The following GAD2 variants were observed in gnomAD, a reference collection of about 807,000 sequenced individuals.
GAD2 encodes the protein glutamate decarboxylase 2.
In GAD2, 22 loss-of-function variants were observed where a neutral mutation model predicts 80.1. The ratio of observed to expected loss-of-function variants is 0.27; its 90% CI spans 0.20 to 0.39. GAD2 has a LOEUF of 0.39. Ranked by LOEUF, GAD2 falls within the 10% of genes least tolerant of loss-of-function variation. The pLI is 1.00. For synonymous variants in GAD2, 274 were observed against 256.9 expected (o/e 1.07, Z -0.64); for missense variants, 624 against 738.4 (o/e 0.85, Z 1.80).
At chr10:26,228,346 G>A (rs1049818836) in intron 6 of GAD2, among the ~76,000 whole-genome samples, 3 of 152,168 alleles carry the variant, frequency 2.0e-5, no homozygotes, top group Non-Finnish European at 2.9e-5. Flanking sequence ...CACAGAAAAC[G>A]TAACACAATA....
intron 5 of GAD2, among the ~76,000 whole-genome samples, chr10:26,224,196 CT>C (rs1455047279): frequency 6.6e-6 from 1 of 151,942 alleles, no homozygotes; most frequent in Non-Finnish European, 1.5e-5. Context: ...ACAAAAGAGA[CT>C]TTTTTCTCAC....
At chr10:26,219,786 G>A (rs982972989) in intron 4 of GAD2, among the ~76,000 whole-genome samples, 1 of 152,154 alleles carries the variant, frequency 6.6e-6, no homozygotes, top group Non-Finnish European at 1.5e-5. Context: ...CAACCTTTCA[G>A]ATTTGAATTC....
In GAD2 at chr10:26,269,186, C is replaced by T. The variant is rs1212002800; in HGVS notation, c.975+13C>T. ...AGCCAAACAGAAAGTAAGTTTCTGC[C>T]GGGAGCTTTATCCAGCCCATATTTC... On this transcript the variant is annotated intron_variant, in intron 9 of 15. Transcript: ENST00000376261. The T allele has an allele frequency of 6.9e-6, 11 of 1,585,824 alleles. No homozygotes were observed. Among genetic ancestry groups the T allele is most frequent in the East Asian group, 2.3e-5 (1 of 43,982 alleles).
At chr10:26,237,494 T>C (rs1844689103) in intron 7 of GAD2, among the ~76,000 whole-genome samples, 1 of 151,722 alleles carries the variant, frequency 6.6e-6, no homozygotes, top group African/African-American at 2.4e-5. Flanking sequence ...CCCTCACAGA[T>C]GACACTGTCG....
At position 26,217,012 on chromosome 10, in the gene GAD2, C is replaced by T. The variant is rs148097911; in HGVS notation, c.76+127C>T. 2.4e-4 allele frequency: 188 copies of T among 776,824 alleles called. No individual in the cohort carries two copies. The East Asian group carries it at 4.5e-3, about 19-fold the overall frequency. 48.1% of individuals were successfully genotyped at this position (776,824 alleles called of 1,614,324 possible). On this transcript the variant is annotated intron_variant, in intron 1 of 15. Coordinates refer to ENST00000376261, the MANE Select transcript of GAD2 (RefSeq NM_001134366.2). This position sits in a 1 kb window ranked among gnomAD's most constrained non-coding sequence, Gnocchi z 4.9. ...AAACTTCTTCGGGCGCTTCTCCCTG[C>T]TTTTGGGCTAAGTCCTTGACGGCCC...
chr10:26,233,969 A>T (rs867487586), intron 7 of GAD2, among the ~76,000 whole-genome samples: 4 of 152,172 alleles, frequency 2.6e-5, no homozygotes, highest in African/African-American at 7.2e-5. Flanking sequence ...AGCCTTATAG[A>T]ACTTGTGCCT....
chr10:26,290,192 C>T (rs975499224), intron 13 of GAD2, among the ~76,000 whole-genome samples: 7 of 152,276 alleles, frequency 4.6e-5, no homozygotes, highest in East Asian at 3.9e-4. Context: ...AGTAGATATT[C>T]AGCATCTATT....
At chr10:26,290,670 A>T (rs543906462) in intron 13 of GAD2, among the ~76,000 whole-genome samples, 139 of 152,362 alleles carry the variant, frequency 9.1e-4, no homozygotes, top group Non-Finnish European at 1.7e-3. Flanking sequence ...TGTTTATAAA[A>T]GCATTTCAAG....
Position 26,292,894 on chromosome 10 carries a change from C to T in GAD2, c.1495-8C>T. 6.2e-7 allele frequency: 1 copy of T among 1,612,268 alleles called. No individual in the cohort carries two copies. The highest frequency in any genetic ancestry group is 8.5e-7 in the Non-Finnish European group (1 of 1,178,432). ...GGCCAAATGTGAATCTTCCTTTCCT[C>T]TTTGTAGCCTCAGCACACAAATGTC... On this transcript the variant is annotated splice_region_variant and splice_polypyrimidine_tract_variant and intron_variant, in intron 14 of 15. Coordinates refer to ENST00000376261, the MANE Select transcript of GAD2 (RefSeq NM_001134366.2).
At chr10:26,238,068 A>G (rs571640144) in intron 7 of GAD2, among the ~76,000 whole-genome samples, 14 of 152,050 alleles carry the variant, frequency 9.2e-5, no homozygotes, top group Admixed American at 7.9e-4. Flanking sequence ...AGGGATTGAC[A>G]TGAATTTTGT....
rs371904007 is a variant in GAD2, at chr10:26,300,966, C to T, written c.*5C>T. 7.4e-6 allele frequency: 12 copies of T among 1,611,560 alleles called. No individual in the cohort carries two copies. Among genetic ancestry groups the T allele is most frequent in the African/African-American group, 2.7e-5 (2 of 74,866 alleles). Reference sequence around the variant, plus strand: ...CGCCTTGGACAAGATTTATAATAACCTTGCTCACCAAGCTGTTCCACTTCT... The same window carrying T: ...CGCCTTGGACAAGATTTATAATAACTTTGCTCACCAAGCTGTTCCACTTCT... On this transcript the variant is annotated 3_prime_UTR_variant, in exon 16 of 16. Transcript: ENST00000376261.
At chr10:26,258,916 C>T (rs757194318) in intron 8 of GAD2, among the ~76,000 whole-genome samples, 1 of 151,880 alleles carries the variant, frequency 6.6e-6, no homozygotes, top group Non-Finnish European at 1.5e-5. Flanking sequence ...CAGGTTCAAG[C>T]GAATTTCCTG....
At chr10:26,294,973 G>T (rs978446286) in intron 15 of GAD2, among the ~76,000 whole-genome samples, 16 of 152,130 alleles carry the variant, frequency 1.1e-4, no homozygotes, top group Admixed American at 8.5e-4. Flanking sequence ...TTATTGAACT[G>T]ACTGGCCAGA....
intron 15 of GAD2, among the ~76,000 whole-genome samples, chr10:26,295,287 G>T (rs1050646624): frequency 1.3e-5 from 2 of 152,090 alleles, no homozygotes; most frequent in Non-Finnish European, 2.9e-5. Flanking sequence ...AATCTCCGGG[G>T]ATTGCAGAAT....
chr10:26,274,241 A>G (rs1450479236), intron 11 of GAD2, among the ~76,000 whole-genome samples: 1 of 152,158 alleles, frequency 6.6e-6, no homozygotes, highest in East Asian at 1.9e-4. Context: ...TCCCGTAATA[A>G]CCTTTCTCTG....
intron 8 of GAD2, among the ~76,000 whole-genome samples, chr10:26,249,963 G>T (rs1844858931): frequency 6.6e-6 from 1 of 152,122 alleles, no homozygotes; most frequent in South Asian, 2.1e-4. Context: ...AGAGCCGGCG[G>T]GACCTACGAT....
intron 13 of GAD2, among the ~76,000 whole-genome samples, chr10:26,289,792 C>A (rs1372251007): frequency 1.5e-5 from 2 of 136,928 alleles, no homozygotes; most frequent in African/African-American, 6.1e-5. Context: ...CTCCCCCCCA[C>A]CTTTTTTTTT....
intron 7 of GAD2, among the ~76,000 whole-genome samples, chr10:26,239,532 T>C (rs1440282299): frequency 1.3e-5 from 2 of 152,238 alleles, no homozygotes; most frequent in East Asian, 3.9e-4. Context: ...TCTGAATATG[T>C]GGTCAACAAA....
At chr10:26,224,492 A>G (rs1844496519) in intron 5 of GAD2, 47 bp from the exon 6 acceptor site, 5 of 1,082,124 alleles carry the variant, frequency 4.6e-6, no homozygotes, top group African/African-American at 1.6e-5. Context: ...ATTGTAAATT[A>G]TTTATCTGAG....
Sources: gnomAD v4.1 joint callset for allele counts (sites outside exome capture counted in the v4.1 genomes callset) on GRCh38, gnomAD v4.1.1 for gene constraint, Gnocchi (gnomAD v3.1) non-coding constraint, MANE v1.5 for transcripts, NCBI Gene and HGNC (gene_info 2026-07-23, HGNC 2026-07-21) for gene names.